Variants in CRY1 observed in about 807,000 individuals in gnomAD.
The protein encoded by CRY1 is cryptochrome-1.
Under a neutral mutation model 76.0 loss-of-function variants are expected in CRY1, and 45 were observed. The ratio of observed to expected loss-of-function variants is 0.59; its 90% confidence interval spans 0.47 to 0.76. The LOEUF (loss-of-function observed/expected upper bound fraction) is 0.76, where lower values mean the gene tolerates loss of function less well. Among genes scored for constraint, CRY1 ranks in the 30% least tolerant of loss-of-function variants. CRY1 has a pLI of 0.00. For synonymous variants in CRY1, 248 were observed against 244.0 expected (o/e 1.02, Z -0.15); for missense variants, 587 against 716.4 (o/e 0.82, Z 2.06).
intron 1 of CRY1, among the ~76,000 whole-genome samples, chr12:107,064,034 AT>A (rs546115268): frequency 3.3e-5 from 5 of 151,414 alleles, no homozygotes; most frequent in Admixed American, 6.6e-5. Flanking sequence ...GAGTATACTT[AT>A]TTTTTTTTAA....
At chr12:107,019,017 C>A (rs762463492) in intron 2 of CRY1, among the ~76,000 whole-genome samples, 2 of 152,178 alleles carry the variant, frequency 1.3e-5, no homozygotes, top group Admixed American at 1.3e-4. Context: ...ACTAGCCTTA[C>A]CTCCAATGTG....
chr12:107,035,206 T>C (rs1593516636), intron 1 of CRY1, among the ~76,000 whole-genome samples: 1 of 152,256 alleles, frequency 6.6e-6, no homozygotes, highest in Non-Finnish European at 1.5e-5. Context: ...TTTTGATCTA[T>C]GACTTAGCAC....
chr12:107,010,609 C>T (rs1952433765), intron 2 of CRY1, among the ~76,000 whole-genome samples: 1 of 151,928 alleles, frequency 6.6e-6, no homozygotes, highest in African/African-American at 2.4e-5. Flanking sequence ...GACCTGTGAT[C>T]TCTTCTCTTT....
At chr12:107,018,161 T>A (rs1201101350) in intron 2 of CRY1, among the ~76,000 whole-genome samples, 1 of 152,240 alleles carries the variant, frequency 6.6e-6, no homozygotes. Flanking sequence ...TAAAAAAGCA[T>A]AATATAAATT....
At chr12:107,086,502 C>T (rs1471629070) in intron 1 of CRY1, among the ~76,000 whole-genome samples, 1 of 152,326 alleles carries the variant, frequency 6.6e-6, no homozygotes, top group East Asian at 1.9e-4. Context: ...GAGGCCTCCT[C>T]GGGCAAAATG....
intron 2 of CRY1, among the ~76,000 whole-genome samples, chr12:107,013,837 T>C (rs891961109): frequency 2.6e-5 from 4 of 152,238 alleles, no homozygotes; most frequent in Non-Finnish European, 5.9e-5. Flanking sequence ...AGCTTATTAA[T>C]ACTTTTATAT....
At chr12:107,008,843 T>C (rs1952403892) in intron 2 of CRY1, among the ~76,000 whole-genome samples, 2 of 152,160 alleles carry the variant, frequency 1.3e-5, no homozygotes, top group South Asian at 4.2e-4. Flanking sequence ...GATGGTTTTT[T>C]TAAAGGGCAG....
chr12:107,019,050 T>TA (rs1454077495), intron 2 of CRY1, among the ~76,000 whole-genome samples: 1 of 152,128 alleles, frequency 6.6e-6, no homozygotes, highest in African/African-American at 2.4e-5. Context: ...AATTACCTAT[T>TA]AAAAATCCTC....
intron 2 of CRY1, among the ~76,000 whole-genome samples, chr12:107,005,755 CGT>C (rs750291226): frequency 1.3e-5 from 2 of 151,280 alleles, no homozygotes; most frequent in African/African-American, 4.8e-5. Flanking sequence ...TGGCTGAGGT[CGT>C]GTGTGTGTGT....
intron 1 of CRY1, among the ~76,000 whole-genome samples, chr12:107,056,188 A>C (rs538081097): frequency 6.6e-6 from 1 of 152,380 alleles, no homozygotes; most frequent in South Asian, 2.1e-4. Flanking sequence ...AAGATACTCC[A>C]AAACATTAAG....
chr12:107,083,685 C>T (rs1306462860), intron 1 of CRY1, among the ~76,000 whole-genome samples: 3 of 152,098 alleles, frequency 2.0e-5, no homozygotes, highest in South Asian at 4.1e-4. Flanking sequence ...ATTGATGGAA[C>T]GTTACTCAGA....
intron 1 of CRY1, among the ~76,000 whole-genome samples, chr12:107,054,537 C>T (rs1470581799): frequency 6.7e-6 from 1 of 148,208 alleles, no homozygotes; most frequent in African/African-American, 2.5e-5. Context: ...GTAATTATAA[C>T]AAATGTAAAC....
intron 10 of CRY1, 31 bp from the exon 11 acceptor site, chr12:106,993,067 T>C: frequency 6.2e-7 from 1 of 1,605,878 alleles, no homozygotes; most frequent in Non-Finnish European, 8.5e-7. Context: ...GTAAAATTAC[T>C]TAAAATCAAA....
At chr12:107,067,585 T>G (rs781085729) in intron 1 of CRY1, among the ~76,000 whole-genome samples, 1 of 152,114 alleles carries the variant, frequency 6.6e-6, no homozygotes, top group African/African-American at 2.4e-5. Flanking sequence ...ACTTCCTTAG[T>G]TTTCTTCTAC....
intron 1 of CRY1, among the ~76,000 whole-genome samples, chr12:107,074,014 GTC>G (rs1953221254): frequency 6.6e-6 from 1 of 152,052 alleles, no homozygotes; most frequent in African/African-American, 2.4e-5. Flanking sequence ...ACTTTGTTAT[GTC>G]TCTCTTCATG....
chr12:107,020,604 GA>G (rs1225836536), intron 2 of CRY1, among the ~76,000 whole-genome samples: 1 of 151,644 alleles, frequency 6.6e-6, no homozygotes, highest in East Asian at 1.9e-4. Flanking sequence ...CTGGCCATGT[GA>G]AGTTCTTACT....
intron 1 of CRY1, among the ~76,000 whole-genome samples, chr12:107,042,422 G>A (rs939825226): frequency 2.0e-5 from 3 of 152,102 alleles, no homozygotes; most frequent in African/African-American, 4.8e-5. Flanking sequence ...ATCAAGGTTA[G>A]TATCATTTGT....
intron 1 of CRY1, among the ~76,000 whole-genome samples, chr12:107,070,356 CAG>C (rs1453586382): frequency 6.6e-6 from 1 of 151,958 alleles, no homozygotes; most frequent in Non-Finnish European, 1.5e-5. Context: ...GGGAAAAAAA[CAG>C]AATAAGAAAT....
At chr12:107,031,937 TTTTC>T (rs1238989711) in intron 1 of CRY1, among the ~76,000 whole-genome samples, 2 of 152,112 alleles carry the variant, frequency 1.3e-5, no homozygotes, top group African/African-American at 4.8e-5. Context: ...TTTTCTTTTC[TTTTC>T]TTTTTCTTTT....
Sources: gnomAD v4.1 joint callset for allele counts (sites outside exome capture counted in the v4.1 genomes callset) on GRCh38, gnomAD v4.1.1 for gene constraint, MANE v1.5 for transcripts, NCBI Gene and HGNC (gene_info 2026-07-23, HGNC 2026-07-21) for gene names.